The following NTRK2 variants were observed in gnomAD, a reference collection of about 807,000 sequenced individuals.
NTRK2 encodes BDNF/NT-3 growth factors receptor.
Under a neutral mutation model 94.5 loss-of-function variants are expected in NTRK2, and 13 were observed. That is an observed-to-expected ratio of 0.14 (90% CI 0.09 to 0.22). The LOEUF (loss-of-function observed/expected upper bound fraction) is 0.22. NTRK2 is among the 10% of genes least tolerant of loss of function. The probability of loss-of-function intolerance (pLI) is 1.00; values close to 1 mark genes in which losing one functional copy is unlikely to be tolerated. For missense variants in NTRK2, 639 were observed against 1,071.2 expected, an observed-to-expected ratio of 0.60 and a Z score of 5.63; for synonymous variants, 372 against 407.4, an observed-to-expected ratio of 0.91 and a Z score of 1.05.
intron 10 of NTRK2, among the ~76,000 whole-genome samples, chr9:84,742,460 T>A (rs949526549): frequency 1.3e-5 from 2 of 152,178 alleles, no homozygotes; most frequent in African/African-American, 4.8e-5. Flanking sequence ...GCTGGTCCCC[T>A]TGTGGTTACA....
intron 17 of NTRK2, among the ~76,000 whole-genome samples, chr9:84,978,567 A>G (rs886259465): frequency 1.3e-5 from 2 of 152,224 alleles, no homozygotes; most frequent in African/African-American, 4.8e-5. Context: ...AGGTGAAGCA[A>G]TAAGTGCTGA....
At chr9:84,873,444 G>A (rs1306096351) in intron 14 of NTRK2, 1 of 1,059,770 alleles carries the variant, frequency 9.4e-7, no homozygotes, top group Non-Finnish European at 1.1e-6. Flanking sequence ...GAGCCTTCAT[G>A]GCACATTGCT....
intron 6 of NTRK2, among the ~76,000 whole-genome samples, chr9:84,720,609 C>T (rs1397344402): frequency 6.6e-6 from 1 of 151,674 alleles, no homozygotes; most frequent in Non-Finnish European, 1.5e-5. Flanking sequence ...TATGAATAGC[C>T]AGACATAATT....
At chr9:84,975,627 T>A (rs891043230) in intron 17 of NTRK2, among the ~76,000 whole-genome samples, 1 of 152,096 alleles carries the variant, frequency 6.6e-6, no homozygotes, top group African/African-American at 2.4e-5. Flanking sequence ...GAACTAAGAG[T>A]TCTTAGGTCT....
chr9:84,850,090 A>G (rs1288916966), intron 12 of NTRK2, among the ~76,000 whole-genome samples: 2 of 152,196 alleles, frequency 1.3e-5, no homozygotes, highest in South Asian at 2.1e-4. Context: ...CAATGGAGGT[A>G]TTTCTGATTT....
At chr9:84,862,932 GC>G (rs1275631641) in intron 13 of NTRK2, among the ~76,000 whole-genome samples, 2 of 152,150 alleles carry the variant, frequency 1.3e-5, no homozygotes, top group African/African-American at 4.8e-5. Context: ...GTGGATAGTG[GC>G]CTAGAGTGTG....
chr9:85,008,334 G>A (rs1165860930), intron 17 of NTRK2, among the ~76,000 whole-genome samples: 1 of 151,976 alleles, frequency 6.6e-6, no homozygotes, highest in Non-Finnish European at 1.5e-5. Context: ...AGCTCACACA[G>A]CACTAACTAT....
intron 12 of NTRK2, among the ~76,000 whole-genome samples, chr9:84,768,521 G>T (rs571247254): frequency 1.3e-5 from 2 of 152,064 alleles, no homozygotes; most frequent in Non-Finnish European, 2.9e-5. Context: ...TTGGTGGCAG[G>T]TACTGTAGTT....
At chr9:84,990,338 G>A (rs1312541121) in intron 17 of NTRK2, among the ~76,000 whole-genome samples, 2 of 152,168 alleles carry the variant, frequency 1.3e-5, no homozygotes, top group African/African-American at 4.8e-5. Context: ...GAGGAAAAAA[G>A]GTGAATGTGA....
chr9:84,872,092 A>C, intron 14 of NTRK2: 1 of 1,340,604 alleles, frequency 7.5e-7, no homozygotes, highest in Non-Finnish European at 9.6e-7. Flanking sequence ...GGAGCTGAGG[A>C]GCTCAGCAAC....
At chr9:84,677,762 T>A (rs1377974420) in intron 2 of NTRK2, among the ~76,000 whole-genome samples, 1 of 152,192 alleles carries the variant, frequency 6.6e-6, no homozygotes, top group Non-Finnish European at 1.5e-5. Flanking sequence ...GTTCACAGAT[T>A]AAACTTCATG....
chr9:84,830,312 C>T (rs1348186734), intron 12 of NTRK2, among the ~76,000 whole-genome samples: 1 of 152,170 alleles, frequency 6.6e-6, no homozygotes, highest in Non-Finnish European at 1.5e-5. Flanking sequence ...TGTGCACCAT[C>T]GTATCTCATT....
intron 17 of NTRK2, among the ~76,000 whole-genome samples, chr9:85,010,708 T>C (rs1831468989): frequency 6.6e-6 from 1 of 152,190 alleles, no homozygotes; most frequent in African/African-American, 2.4e-5. Context: ...TTTACTTTAT[T>C]CTTACAATGA....
At chr9:84,736,008 A>T (rs536108136) in intron 9 of NTRK2, among the ~76,000 whole-genome samples, 36 of 152,338 alleles carry the variant, frequency 2.4e-4, no homozygotes, top group African/African-American at 8.4e-4. Flanking sequence ...AGTTGCAACA[A>T]TTTTGAAGGC....
chr9:84,695,715 T>A lies in NTRK2; in HGVS notation c.213-6444T>A, dbSNP rs539123683. Among the ~76,000 whole-genome samples the A allele has an allele frequency of 4.3e-3, 651 of 152,340 alleles. 5 individuals carry two copies. Among genetic ancestry groups the A allele is most frequent in the Non-Finnish European group, 6.9e-3 (467 of 68,030 alleles). ...TTGAGCTCAATGCCCTTTCTCCTTT[T>A]AAGCCTTCACTGACCTGCCCAATTA... On this transcript the variant is annotated intron_variant, in intron 2 of 18. Transcript: ENST00000277120.
chr9:84,818,983 G>GA (rs1252815348), intron 12 of NTRK2, among the ~76,000 whole-genome samples: 3 of 152,206 alleles, frequency 2.0e-5, no homozygotes, highest in African/African-American at 7.2e-5. Context: ...GATTGAGAGA[G>GA]ACTGCTGAGG....
At chr9:85,011,822 T>C (rs1831605104) in intron 17 of NTRK2, among the ~76,000 whole-genome samples, 1 of 152,060 alleles carries the variant, frequency 6.6e-6, no homozygotes, top group African/African-American at 2.4e-5. Context: ...GGAGAGATGG[T>C]CCTGACCTAT....
Position 84,728,528 on chromosome 9 carries a change from C to T in NTRK2, c.1159+569C>T, listed in dbSNP as rs758410927. ...GGCAAAACCCATGCAAAACCGCAAG[C>T]GCAGGAACTGTGTATGGTTGGCTCG... On this transcript the variant is annotated intron_variant, in intron 9 of 18. Transcript: ENST00000277120. Among the ~76,000 whole-genome samples, 7 of 152,086 alleles carry T rather than the reference C, an allele frequency of 4.6e-5. 1 individual carries two copies. The highest frequency in any genetic ancestry group is 7.4e-5 in the Non-Finnish European group (5 of 68,024).
chr9:84,840,794 C>T (rs977172725), intron 12 of NTRK2, among the ~76,000 whole-genome samples: 1 of 152,150 alleles, frequency 6.6e-6, no homozygotes, highest in Admixed American at 6.5e-5. Flanking sequence ...TTAATTCCCT[C>T]AAATCAAGCT....
Sources: gnomAD v4.1 joint callset for allele counts (sites outside exome capture counted in the v4.1 genomes callset) on GRCh38, gnomAD v4.1.1 for gene constraint, MANE v1.5 for transcripts, NCBI Gene and HGNC (gene_info 2026-07-23, HGNC 2026-07-21) for gene names.